KIFAP3: variants seen among roughly 807,000 people sequenced by gnomAD.
The protein encoded by KIFAP3 is kinesin-associated protein 3.
KIFAP3 carries 68 observed loss-of-function variants against 106.5 expected under a neutral mutation model. The ratio of observed to expected loss-of-function variants is 0.64; its 90% CI spans 0.53 to 0.78. KIFAP3 has a LOEUF of 0.78. KIFAP3 is among the 30% of genes least tolerant of loss of function. The pLI is 0.00. For missense variants in KIFAP3, 780 were observed against 941.8 expected (o/e 0.83, Z 2.25); for synonymous variants, 320 against 311.5 (o/e 1.03, Z -0.29).
intron 9 of KIFAP3, among the ~76,000 whole-genome samples, chr1:170,017,803 T>G (rs928797683): frequency 6.6e-6 from 1 of 152,208 alleles, no homozygotes; most frequent in Non-Finnish European, 1.5e-5. Flanking sequence ...CTCAGAGTCC[T>G]TTTCTGTATG....
intron 14 of KIFAP3, among the ~76,000 whole-genome samples, chr1:169,982,364 G>A (rs1484155940): frequency 6.6e-6 from 1 of 152,030 alleles, no homozygotes; most frequent in African/African-American, 2.4e-5. Flanking sequence ...GAAAATAAAA[G>A]ACTCATTTGA....
chr1:170,009,307 C>A (rs1202282743), intron 10 of KIFAP3, among the ~76,000 whole-genome samples: 2 of 151,862 alleles, frequency 1.3e-5, no homozygotes, highest in African/African-American at 4.8e-5. Flanking sequence ...TGGAACATTA[C>A]TTAATTTAAA....
chr1:170,056,143 C>T (rs1670843091), intron 1 of KIFAP3, among the ~76,000 whole-genome samples: 1 of 151,672 alleles, frequency 6.6e-6, no homozygotes, highest in Non-Finnish European at 1.5e-5. Flanking sequence ...CCGTTAATTA[C>T]CCCATTAACT....
intron 3 of KIFAP3, among the ~76,000 whole-genome samples, chr1:170,043,208 G>T (rs12128126): frequency 6.6e-6 from 1 of 152,158 alleles, no homozygotes; most frequent in Non-Finnish European, 1.5e-5. Context: ...TGGATTATAA[G>T]AGTAACTAAT....
In KIFAP3 at chr1:169,943,100, C is replaced by T. The variant is rs1220685016; in HGVS notation, c.2273+10911G>A. ...ATAAATTTACTTAATAATTCATCTACAATCTGTATAATTCCTATTCAGAAT... is the reference window on the plus strand; with the variant it reads ...ATAAATTTACTTAATAATTCATCTATAATCTGTATAATTCCTATTCAGAAT... On this transcript the variant is annotated intron_variant, in intron 19 of 19. Coordinates refer to ENST00000361580, the MANE Select transcript of KIFAP3 (RefSeq NM_014970.4). Among the ~76,000 whole-genome samples, 6 of 152,168 alleles carry T rather than the reference C, an allele frequency of 3.9e-5. No individual in the cohort carries two copies. The South Asian group carries it at 1.0e-3, about 26-fold the overall frequency.
intron 10 of KIFAP3, among the ~76,000 whole-genome samples, chr1:169,993,537 G>C: frequency 6.6e-6 from 1 of 150,750 alleles, no homozygotes; most frequent in South Asian, 2.1e-4. Flanking sequence ...ATCAAAGATA[G>C]AAATTACTAG....
chr1:169,999,971 G>A (rs1310180114), intron 10 of KIFAP3, among the ~76,000 whole-genome samples: 1 of 152,082 alleles, frequency 6.6e-6, no homozygotes, highest in East Asian at 1.9e-4. Flanking sequence ...AGCTCTCTGG[G>A]CTGCTCTCAC....
chr1:170,075,439 C>A (rs763382426), upstream of KIFAP3, among the ~76,000 whole-genome samples: 46 of 152,184 alleles, frequency 3.0e-4, no homozygotes, highest in Non-Finnish European at 5.7e-4. Flanking sequence ...CTCTACTCCC[C>A]CTGCTCACCT....
chr1:169,945,146 C>CG (rs57723527), intron 19 of KIFAP3, among the ~76,000 whole-genome samples: 4 of 151,426 alleles, frequency 2.6e-5, no homozygotes, highest in Non-Finnish European at 5.9e-5. Flanking sequence ...CAGTGGGGGG[C>CG]GGGGGGGGGC....
At chr1:170,077,149 C>T (rs114812663), upstream of KIFAP3, among the ~76,000 whole-genome samples, 5,245 of 152,204 alleles carry the variant, frequency 0.034, 122 homozygotes, top group Non-Finnish European at 0.052. Flanking sequence ...CACCAATCAA[C>T]GCCCTGTGTC....
rs532966246 is a variant in KIFAP3 at position 169,967,997 on chromosome 1, G to A, written c.1983+4516C>T. ...TCAAAACCTATCCAAAGCCTTTGTG[G>A]AAATATTCTAGGATTATAGTTTTTT... On this transcript the variant is annotated intron_variant, in intron 17 of 19. Transcript: ENST00000361580. Among the ~76,000 whole-genome samples the A allele has an allele frequency of 1.4e-3, 210 of 151,918 alleles. 1 individual carries two copies. Among genetic ancestry groups the A allele is most frequent in the African/African-American group, 4.9e-3 (203 of 41,522 alleles).
At chr1:170,061,211 C>T (rs1187378966) in intron 1 of KIFAP3, among the ~76,000 whole-genome samples, 1 of 152,156 alleles carries the variant, frequency 6.6e-6, no homozygotes, top group Non-Finnish European at 1.5e-5. Flanking sequence ...AAACTACCAT[C>T]AGAGTGAACA....
At chr1:169,924,007 C>A (rs372244142) in intron 19 of KIFAP3, among the ~76,000 whole-genome samples, 26 of 152,006 alleles carry the variant, frequency 1.7e-4, no homozygotes, top group African/African-American at 6.0e-4. Flanking sequence ...TTTATTTCTA[C>A]GACTAATAGG....
rs1571700002 is a variant in KIFAP3, at chr1:170,032,129, G to T, written c.743-145C>A. The T allele has an allele frequency of 1.1e-5, 6 of 558,666 alleles. No individual in the cohort carries two copies. In the South Asian group the frequency reaches 1.5e-4, roughly 14 times the overall value. 34.6% of individuals were successfully genotyped at this position (558,666 alleles called of 1,614,324 possible). On this transcript the variant is annotated intron_variant, in intron 7 of 19. Coordinates refer to ENST00000361580, the MANE Select transcript of KIFAP3 (RefSeq NM_014970.4). ...CAAAAGTTTAACTAAAATGTTATCT[G>T]CATAATAACTGTGCTGTAACAGCAC...
At chr1:170,042,849 T>G (rs560031781) in intron 3 of KIFAP3, among the ~76,000 whole-genome samples, 2 of 152,352 alleles carry the variant, frequency 1.3e-5, no homozygotes, top group South Asian at 4.1e-4. Context: ...GCTAGTGACC[T>G]GAGCTCACAC....
At chr1:170,044,884 T>C (rs1425961242) in intron 3 of KIFAP3, among the ~76,000 whole-genome samples, 1 of 152,030 alleles carries the variant, frequency 6.6e-6, no homozygotes, top group Admixed American at 6.6e-5. Context: ...TGAAGAGGAG[T>C]CAAGAAAACT....
intron 3 of KIFAP3, among the ~76,000 whole-genome samples, chr1:170,039,666 T>G (rs1002866712): frequency 6.6e-6 from 1 of 151,934 alleles, no homozygotes; most frequent in Non-Finnish European, 1.5e-5. Context: ...AAGAAAAAAG[T>G]ACGACTTGAG....
chr1:169,990,143 A>T, intron 11 of KIFAP3: 3 of 1,497,818 alleles, frequency 2.0e-6, no homozygotes, highest in South Asian at 2.5e-5. Context: ...CATATTTACA[A>T]GAAGCACAGA....
intron 10 of KIFAP3, among the ~76,000 whole-genome samples, chr1:170,005,235 T>C (rs1003512253): frequency 7.9e-5 from 12 of 152,036 alleles, no homozygotes; most frequent in Non-Finnish European, 1.2e-4. Context: ...TGTGGAGAAA[T>C]AGGAACACTT....
Sources: allele counts gnomAD v4.1 joint callset (sites outside exome capture counted in the v4.1 genomes callset), GRCh38; gene constraint gnomAD v4.1.1; transcripts MANE v1.5; gene names NCBI Gene and HGNC (gene_info 2026-07-23, HGNC 2026-07-21).